FER1L5: variants seen among roughly 807,000 people sequenced by gnomAD.
FER1L5 encodes the protein fer-1 like family member 5, also known as fer-1-like protein 5.
In FER1L5, 187 loss-of-function variants were observed where a neutral mutation model predicts 279.9. The ratio of observed to expected loss-of-function variants is 0.67; its 90% confidence interval spans 0.59 to 0.75. The LOEUF is 0.75. FER1L5 is among the 30% of genes least tolerant of loss of function. The pLI is 0.00. For missense variants in FER1L5, 2,091 were observed against 2,594.4 expected (o/e 0.81, Z 4.21); for synonymous variants, 921 against 989.7 (o/e 0.93, Z 1.30).
At position 96,691,459 on chromosome 2, in the gene FER1L5, C is replaced by T. The variant is rs1011911928; in HGVS notation, c.2922C>T (p.Gly974=). The T allele has an allele frequency of 2.5e-5, 39 of 1,542,114 alleles. No individual in the cohort carries two copies. The highest frequency in any genetic ancestry group is 9.6e-5 in the African/African-American group (7 of 72,780). ...CCCCACCACAGGGCCTGGCCAAGGGCGAGGAGGAGGGCTGGGAGTATGACA... is the reference window on the plus strand; with the variant it reads ...CCCCACCACAGGGCCTGGCCAAGGGTGAGGAGGAGGGCTGGGAGTATGACA... ...LSFLQLGLAK[G]EEEGWEYDTF... The change falls in exon 29 of 53, where the codon GGC becomes GGT. Residue 974 remains glycine (G), a synonymous_variant. Coordinates refer to ENST00000624922, the MANE Select transcript of FER1L5 (RefSeq NM_001293083.2). This position sits in a 1 kb window ranked among gnomAD's most constrained non-coding sequence, Gnocchi z 6.0.
At chr2:96,650,776 C>G (rs2075326670) in intron 6 of FER1L5, among the ~76,000 whole-genome samples, 1 of 152,198 alleles carries the variant, frequency 6.6e-6, no homozygotes, top group African/African-American at 2.4e-5. Flanking sequence ...ACATTCCTGC[C>G]GTGGTTTTAC....
Position 96,695,553 on chromosome 2 carries a change from C to G in FER1L5, c.3786C>G (p.Pro1262=), listed in dbSNP as rs542181513. ...GGAACATGAAGAAGGCGAGCTCCCCCCAGCTCCTGGTGGAATTCGGGGAAG... is the reference window on the plus strand; with the variant it reads ...GGAACATGAAGAAGGCGAGCTCCCCGCAGCTCCTGGTGGAATTCGGGGAAG... The part of the protein sequence containing the change: ...GLRNMKKASS[P]QLLVEFGEES... Residue 1262 remains proline (P), a synonymous_variant, in exon 35 of 53, where the codon CCC becomes CCG. Transcript: ENST00000624922. 26 of 1,593,656 alleles carry G rather than the reference C, an allele frequency of 1.6e-5. No homozygotes were observed. In the Middle Eastern group the frequency reaches 6.6e-4, roughly 41 times the overall value.
chr2:96,700,049 T>A lies in FER1L5; in HGVS notation c.4899T>A (p.Tyr1633Ter). ...GTCCTGAGGAAGATGCTGTTTTCTA[T>A]AATGGGAAAAAGTTCAAGCTGCAAA... ...LFSPEEDAVF[Y>*]NGKKFKLQSF... Residue 1633 changes from tyrosine to a stop codon, truncating the protein, a stop_gained, in exon 44 of 53, where the codon TAT becomes TAA. Transcript: ENST00000624922. LOFTEE classifies it high-confidence loss of function. 6.2e-7 allele frequency: 1 copy of A among 1,613,828 alleles called. No homozygotes were observed.
At chr2:96,660,406 T>C in intron 10 of FER1L5, 35 bp downstream of exon 10, 3 of 1,549,460 alleles carry the variant, frequency 1.9e-6, no homozygotes, top group Non-Finnish European at 2.6e-6. Flanking sequence ...GTATGTCTTC[T>C]GAGAAAAATC....
intron 19 of FER1L5, among the ~76,000 whole-genome samples, chr2:96,675,485 G>A (rs2076478335): frequency 6.6e-6 from 1 of 152,116 alleles, no homozygotes; most frequent in Non-Finnish European, 1.5e-5. Context: ...GGAGTGCAAT[G>A]GTACAATCTC....
chr2:96,646,233 C>T (rs968093730), intron 1 of FER1L5, among the ~76,000 whole-genome samples, 168 bp from the exon 2 acceptor site: 3 of 152,112 alleles, frequency 2.0e-5, no homozygotes, highest in African/African-American at 2.4e-5. Context: ...CTCCTGACCT[C>T]GTGATCTGCC....
intron 51 of FER1L5, 63 bp from the exon 52 acceptor site, chr2:96,704,152 T>C (rs545283076): frequency 1.5e-5 from 23 of 1,584,864 alleles, no homozygotes; most frequent in Middle Eastern, 3.5e-4. Context: ...GCTCTTTGCA[T>C]CAGATTACTT....
rs115021418 is a variant in FER1L5 at position 96,702,834 on chromosome 2, C to T, written c.5397+93C>T. On this transcript the variant is annotated intron_variant, in intron 48 of 52. Coordinates refer to ENST00000624922, the MANE Select transcript of FER1L5 (RefSeq NM_001293083.2). This position sits in a 1 kb window ranked among gnomAD's most constrained non-coding sequence, Gnocchi z 4.0. ...CCCCACCCCTCCAGAGGCTTGCAAT[C>T]TGTCCCAGAACATCAGAAACATGTC... 6.4e-7 allele frequency: 1 copy of T among 1,556,480 alleles called. No homozygotes were observed. Among genetic ancestry groups the T allele is most frequent in the Non-Finnish European group, 8.7e-7 (1 of 1,149,958 alleles).
At chr2:96,649,489 C>T in intron 4 of FER1L5, 134 bp from the exon 5 acceptor site, 1 of 765,334 alleles carries the variant, frequency 1.3e-6, no homozygotes. Context: ...CATGGTGTGG[C>T]CCCATCCCAT....
At position 96,670,785 on chromosome 2, in the gene FER1L5, G is replaced by GA. The variant is rs1372206566; in HGVS notation, c.1491+545dup. Reference sequence around the variant, plus strand: ...TGGGCAACAAAGCAAGACTCCGTCTGAAAAAAATAAAAAATAAAAAATAAA... The same window carrying GA: ...TGGGCAACAAAGCAAGACTCCGTCTGAAAAAAAATAAAAAATAAAAAATAAA... On this transcript the variant is annotated intron_variant, in intron 18 of 52. Coordinates refer to ENST00000624922, the MANE Select transcript of FER1L5 (RefSeq NM_001293083.2). Among the ~76,000 whole-genome samples the GA allele has an allele frequency of 1.1e-4, 16 of 149,856 alleles. No homozygotes were observed. In the East Asian group the frequency reaches 2.6e-3, roughly 24 times the overall value.
chr2:96,668,888 G>A lies in FER1L5; in HGVS notation c.1187G>A (p.Arg396His), dbSNP rs187155661. Residue 396 changes from arginine to histidine, a missense_variant and splice_region_variant, in exon 16 of 53, where the codon CGC becomes CAC. Transcript: ENST00000624922. ...CTGAGGAGTGTGTTTCTCTCTAGCC[G>A]CAAGAAGGACTGCCCGGATGAGATT... ...SYIKFRVLDC[R>H]KKDCPDEIGT... 6.1e-5 allele frequency: 94 copies of A among 1,551,548 alleles called. No individual in the cohort carries two copies. The East Asian group carries it at 1.7e-3, about 28-fold the overall frequency.
chr2:96,692,322 G>T, intron 31 of FER1L5, 141 bp downstream of exon 31: 1 of 883,100 alleles, frequency 1.1e-6, no homozygotes, highest in Non-Finnish European at 1.8e-6. Flanking sequence ...CCAGCTGCAA[G>T]CCTTGTCCCT....
rs975808900 is a variant in FER1L5 at position 96,669,022 on chromosome 2, TCTCA to T, written c.1268-17_1268-14del. On this transcript the variant is annotated splice_polypyrimidine_tract_variant and intron_variant, in intron 16 of 52. Transcript: ENST00000624922. ...CACCCCTCGTCCTGCGCCCGACCCTTCTCACTCTCTCTCCTTCCAGGAGTGTACT... is the reference window on the plus strand; with the variant it reads ...CACCCCTCGTCCTGCGCCCGACCCTTCTCTCTCTCCTTCCAGGAGTGTACT... The T allele has an allele frequency of 3.9e-6, 6 of 1,551,526 alleles. No individual in the cohort carries two copies. The highest frequency in any genetic ancestry group is 5.2e-6 in the Non-Finnish European group (6 of 1,146,922).
chr2:96,647,003 C>T (rs1363521271), intron 2 of FER1L5, 61 bp from the exon 3 acceptor site: 12 of 1,507,574 alleles, frequency 8.0e-6, no homozygotes, highest in Non-Finnish European at 1.1e-5. Context: ...TTCCTCATTT[C>T]CTAGAAACAT....
intron 1 of FER1L5, 80 bp from the exon 2 acceptor site, chr2:96,646,320 TC>T: frequency 2.7e-6 from 4 of 1,457,696 alleles, no homozygotes; most frequent in Non-Finnish European, 3.8e-6. Flanking sequence ...TCTTAGAGTG[TC>T]CTACTTCTCT....
chr2:96,660,436 C>T, intron 10 of FER1L5, 65 bp downstream of exon 10: 12 of 1,462,524 alleles, frequency 8.2e-6, no homozygotes, highest in Non-Finnish European at 1.1e-5. Context: ...GTCAGAATAT[C>T]TTAAAATCCC....
intron 24 of FER1L5, among the ~76,000 whole-genome samples, chr2:96,688,223 C>T (rs2077007538): frequency 1.3e-5 from 2 of 152,276 alleles, no homozygotes; most frequent in South Asian, 2.1e-4. Context: ...ACAAAGGGGG[C>T]GACTAAGTGA....
chr2:96,683,436 C>T (rs1025195081), intron 19 of FER1L5, among the ~76,000 whole-genome samples: 3 of 152,106 alleles, frequency 2.0e-5, no homozygotes, highest in Non-Finnish European at 2.9e-5. Context: ...TATAAGGACC[C>T]CAGTCCTTAA....
chr2:96,654,128 A>G, intron 8 of FER1L5: 1 of 295,322 alleles, frequency 3.4e-6, no homozygotes. Flanking sequence ...TGTTCTTGGG[A>G]ACAAAGGCAC....
Sources: allele counts gnomAD v4.1 joint callset (sites outside exome capture counted in the v4.1 genomes callset), GRCh38; gene constraint gnomAD v4.1.1; non-coding constraint Gnocchi (gnomAD v3.1); transcripts MANE v1.5; gene names NCBI Gene and HGNC (gene_info 2026-07-23, HGNC 2026-07-21).